Variants in B3GAT2 observed in about 807,000 individuals in gnomAD.
B3GAT2 encodes galactosylgalactosylxylosylprotein 3-beta-glucuronosyltransferase 2.
B3GAT2 carries 26 observed loss-of-function variants against 27.8 expected under a neutral mutation model. The ratio of observed to expected loss-of-function variants is 0.93; its 90% CI spans 0.68 to 1.30. The LOEUF (loss-of-function observed/expected upper bound fraction) is 1.30. Ranked by LOEUF, B3GAT2 falls within the 50% of genes most tolerant of loss-of-function variation. The pLI is 0.00. For synonymous variants in B3GAT2, 218 were observed against 195.1 expected (o/e 1.12, Z -0.98); for missense variants, 458 against 459.0 (o/e 1.00, Z 0.02).
chr6:70,906,552 C>G lies in B3GAT2; in HGVS notation c.592-12280G>C, dbSNP rs548264114. 2.6e-5 allele frequency among the ~76,000 whole-genome samples: 4 copies of G among 151,896 alleles called. No individual in the cohort carries two copies. The South Asian group carries it at 8.4e-4, about 32-fold the overall frequency. On this transcript the variant is annotated intron_variant, in intron 1 of 3. Transcript: ENST00000230053. ...ACAGGGCTTTACTAGATTTCCCAGG[C>G]TGGTCTCAAACTCCTGGGCTCAAGC...
intron 2 of B3GAT2, among the ~76,000 whole-genome samples, chr6:70,891,227 C>A (rs1772283319): frequency 6.6e-6 from 1 of 152,208 alleles, no homozygotes. Context: ...TATATGGCTA[C>A]TGGTCAGCTT....
At position 70,956,080 on chromosome 6, in the gene B3GAT2, T is replaced by C; in HGVS notation, c.350A>G (p.Glu117Gly). 6.3e-7 allele frequency: 1 copy of C among 1,589,132 alleles called. No homozygotes were observed. The highest frequency in any genetic ancestry group is 8.5e-7 in the Non-Finnish European group (1 of 1,171,474). Residue 117 changes from glutamate to glycine, a missense_variant, in exon 1 of 4, where the codon GAG becomes GGG. Coordinates refer to ENST00000230053, the MANE Select transcript of B3GAT2 (RefSeq NM_080742.3). Reference sequence around the variant, plus strand: ...CAGCTCGCTGCGCGCCGCCGCGTCCTCCACCAGGATCCAGTGCAGCTGCGC... The same window carrying C: ...CAGCTCGCTGCGCGCCGCCGCGTCCCCCACCAGGATCCAGTGCAGCTGCGC... ...QVAQLHWILV[E>G]DAAARSELVS...
intron 1 of B3GAT2, among the ~76,000 whole-genome samples, chr6:70,951,499 G>A (rs1765578130): frequency 6.6e-6 from 1 of 152,108 alleles, no homozygotes; most frequent in African/African-American, 2.4e-5. Flanking sequence ...GTCTATTCAC[G>A]AGACAGAATC....
At chr6:70,927,959 A>G (rs1451198865) in intron 1 of B3GAT2, among the ~76,000 whole-genome samples, 2 of 152,222 alleles carry the variant, frequency 1.3e-5, no homozygotes, top group East Asian at 3.9e-4. Context: ...CAGCAAATGT[A>G]AAAGAACAGA....
intron 1 of B3GAT2, among the ~76,000 whole-genome samples, chr6:70,898,792 C>T (rs1047239118): frequency 2.0e-5 from 3 of 152,114 alleles, no homozygotes; most frequent in Admixed American, 6.6e-5. Flanking sequence ...ACTAATTAGT[C>T]ATTTACATAT....
chr6:70,933,892 G>A (rs779970262), intron 1 of B3GAT2, among the ~76,000 whole-genome samples: 14 of 152,108 alleles, frequency 9.2e-5, no homozygotes, highest in Non-Finnish European at 1.3e-4. Flanking sequence ...CCCACTTTAC[G>A]TACCTATTAC....
chr6:70,870,482 G>A (rs1468735003), intron 2 of B3GAT2, among the ~76,000 whole-genome samples: 2 of 151,310 alleles, frequency 1.3e-5, no homozygotes, highest in Non-Finnish European at 2.9e-5. Context: ...CATGGCACAT[G>A]TATACATATG....
intron 1 of B3GAT2, among the ~76,000 whole-genome samples, chr6:70,953,277 T>A (rs1025482776): frequency 6.6e-6 from 1 of 152,236 alleles, no homozygotes; most frequent in Non-Finnish European, 1.5e-5. Context: ...GAGAACAATG[T>A]CTAAACTATA....
intron 1 of B3GAT2, among the ~76,000 whole-genome samples, chr6:70,946,430 C>G (rs1157159387): frequency 1.3e-5 from 2 of 151,926 alleles, no homozygotes; most frequent in Non-Finnish European, 2.9e-5. Context: ...GGGTTGCAAT[C>G]CTAGTCTCTG....
At chr6:70,867,413 A>AT (rs1430934062) in intron 2 of B3GAT2, among the ~76,000 whole-genome samples, 24 of 152,152 alleles carry the variant, frequency 1.6e-4, no homozygotes, top group Non-Finnish European at 2.8e-4. Flanking sequence ...AAAAGTTAAT[A>AT]AAATTGATAA....
chr6:70,869,506 GCAATATTAAGTCTTCTGACCCATAA>G (rs1771901535), intron 2 of B3GAT2, among the ~76,000 whole-genome samples: 4 of 152,134 alleles, frequency 2.6e-5, no homozygotes, highest in Admixed American at 1.3e-4. Flanking sequence ...TGCCATTTTA[GCAATATTAAGTCTTCTGACCCATAA>G]CAATATTAAG....
Position 70,885,922 on chromosome 6 carries a change from A to G in B3GAT2, c.736+8206T>C, listed in dbSNP as rs146071168. Reference sequence around the variant, plus strand: ...ATTCTTCCACCCTACAGCTACCTGCATGGACCTCACCACTGTGATAATCAA... The same window carrying G: ...ATTCTTCCACCCTACAGCTACCTGCGTGGACCTCACCACTGTGATAATCAA... On this transcript the variant is annotated intron_variant, in intron 2 of 3. Coordinates refer to ENST00000230053, the MANE Select transcript of B3GAT2 (RefSeq NM_080742.3). Among the ~76,000 whole-genome samples the G allele has an allele frequency of 7.5e-4, 114 of 152,330 alleles. No individual in the cohort carries two copies. In the East Asian group the frequency reaches 0.016, roughly 21 times the overall value.
At chr6:70,915,091 C>T (rs1006259211) in intron 1 of B3GAT2, among the ~76,000 whole-genome samples, 8 of 152,114 alleles carry the variant, frequency 5.3e-5, no homozygotes, top group South Asian at 4.1e-4. Flanking sequence ...TTTTAATGAT[C>T]GCCATTCTAA....
chr6:70,955,175 C>CAA (rs568676062), intron 1 of B3GAT2, among the ~76,000 whole-genome samples: 56,473 of 131,364 alleles, frequency 0.43, 11,419 homozygotes, highest in East Asian at 0.53. Flanking sequence ...GGTTTTCTTG[C>CAA]AAAAAAAAAA....
intron 1 of B3GAT2, among the ~76,000 whole-genome samples, chr6:70,923,429 C>A (rs1313316774): frequency 6.6e-6 from 1 of 152,148 alleles, no homozygotes; most frequent in Non-Finnish European, 1.5e-5. Flanking sequence ...GTAATCCCTG[C>A]ACTTTGGGAG....
Position 70,861,874 on chromosome 6 carries a change from T to A in B3GAT2, c.841A>T (p.Thr281Ser). Residue 281 changes from threonine (T) to serine (S), a missense_variant, in exon 3 of 4, where the codon ACA becomes TCA. Coordinates refer to ENST00000230053, the MANE Select transcript of B3GAT2 (RefSeq NM_080742.3). Reference protein sequence around the residue: ...MQESDFLKQITTVEELEPKAN... With the variant: ...MQESDFLKQISTVEELEPKAN... Reference sequence around the variant, plus strand: ...TTCGGTTCCAGTTCTTCGACTGTTGTTATCTGTTTGAGAAAGTCAGATTCT... The same window carrying A: ...TTCGGTTCCAGTTCTTCGACTGTTGATATCTGTTTGAGAAAGTCAGATTCT... 6.2e-7 allele frequency: 1 copy of A among 1,614,122 alleles called. No homozygotes were observed. The highest frequency in any genetic ancestry group is 1.1e-5 in the South Asian group (1 of 91,090).
chr6:70,884,630 T>C (rs1170536561), intron 2 of B3GAT2, among the ~76,000 whole-genome samples: 2 of 152,136 alleles, frequency 1.3e-5, no homozygotes, highest in African/African-American at 4.8e-5. Flanking sequence ...CCACGTGTGA[T>C]GGAAAATCAG....
intron 2 of B3GAT2, among the ~76,000 whole-genome samples, chr6:70,873,763 G>T (rs1195822571): frequency 6.6e-6 from 1 of 151,778 alleles, no homozygotes; most frequent in Admixed American, 6.6e-5. Flanking sequence ...CCTTAAACTG[G>T]ATCATATCAA....
At chr6:70,926,754 A>G (rs1453513824) in intron 1 of B3GAT2, among the ~76,000 whole-genome samples, 1 of 152,260 alleles carries the variant, frequency 6.6e-6, no homozygotes, top group Non-Finnish European at 1.5e-5. Flanking sequence ...AACACTCTTC[A>G]GGATATTATG....
Sources: gnomAD v4.1 joint callset for allele counts (sites outside exome capture counted in the v4.1 genomes callset) on GRCh38, gnomAD v4.1.1 for gene constraint, MANE v1.5 for transcripts, NCBI Gene and HGNC (gene_info 2026-07-23, HGNC 2026-07-21) for gene names.